The following ADGRL2 variants were observed in gnomAD, a reference collection of about 807,000 sequenced individuals.
The protein encoded by ADGRL2 is adhesion G protein-coupled receptor L2, also known as calcium-independent alpha-latrotoxin receptor 2.
Under a neutral mutation model 157.4 loss-of-function variants are expected in ADGRL2, and 44 were observed. The ratio of observed to expected loss-of-function variants is 0.28; its 90% confidence interval spans 0.22 to 0.36. The LOEUF is 0.36. Among genes scored for constraint, ADGRL2 ranks in the 10% least tolerant of loss-of-function variants. The pLI is 1.00. For missense variants in ADGRL2, 1,510 were observed against 1,768.9 expected (o/e 0.85, Z 2.63); for synonymous variants, 585 against 624.7 (o/e 0.94, Z 0.95).
chr1:81,380,902 A>G (rs1390888227), intron 1 of ADGRL2, among the ~76,000 whole-genome samples: 1 of 152,166 alleles, frequency 6.6e-6, no homozygotes, highest in Admixed American at 6.5e-5. Flanking sequence ...TTTCAATTAC[A>G]TGAAACACAG....
At chr1:81,802,162 C>T (rs923104411) in intron 1 of ADGRL2, among the ~76,000 whole-genome samples, 3 of 151,592 alleles carry the variant, frequency 2.0e-5, no homozygotes, top group African/African-American at 7.3e-5. Context: ...AGCCGCTGCC[C>T]TCCGCGCCTG....
chr1:81,350,756 G>A (rs1280424495), intron 1 of ADGRL2, among the ~76,000 whole-genome samples: 4 of 152,080 alleles, frequency 2.6e-5, no homozygotes, highest in Admixed American at 1.3e-4. Flanking sequence ...TTTACATGTA[G>A]GCATTTGTTT....
chr1:81,723,474 T>C (rs186689975), intron 1 of ADGRL2, among the ~76,000 whole-genome samples: 1 of 152,334 alleles, frequency 6.6e-6, no homozygotes, highest in East Asian at 1.9e-4. Context: ...TACTAATCAT[T>C]TTGGATTTTT....
At chr1:81,691,153 T>C (rs569150744) in intron 3 of ADGRL2, among the ~76,000 whole-genome samples, 1 of 152,344 alleles carries the variant, frequency 6.6e-6, no homozygotes, top group South Asian at 2.1e-4. Flanking sequence ...GGTCACTGTT[T>C]GGCAGGACCA....
At chr1:81,557,521 G>GAAAGAAAGA in intron 2 of ADGRL2, 1 of 151,144 alleles carries the variant, frequency 6.6e-6, no homozygotes, top group Non-Finnish European at 1.5e-5. Context: ...AAGAAAGAAA[G>GAAAGAAAGA]AAAGAGAAGA....
intron 1 of ADGRL2, among the ~76,000 whole-genome samples, chr1:81,440,320 T>C (rs1301721140): frequency 6.6e-6 from 1 of 152,190 alleles, no homozygotes; most frequent in Non-Finnish European, 1.5e-5. Flanking sequence ...CCTGTAGCTA[T>C]CACTACTTCA....
intron 2 of ADGRL2, among the ~76,000 whole-genome samples, chr1:81,770,744 G>T (rs1205418120): frequency 6.6e-6 from 1 of 152,170 alleles, no homozygotes; most frequent in Non-Finnish European, 1.5e-5. Context: ...AAAGTGCTGG[G>T]ATTACAGGCG....
intron 18 of ADGRL2, 58 bp from the exon 19 acceptor site, chr1:81,981,750 C>T (rs535815314): frequency 2.8e-5 from 37 of 1,315,716 alleles, no homozygotes; most frequent in African/African-American, 1.6e-4. Context: ...AACATTTAAG[C>T]GTGATGTGTG....
intron 1 of ADGRL2, among the ~76,000 whole-genome samples, chr1:81,341,714 A>C (rs1441322734): frequency 1.3e-5 from 2 of 151,946 alleles, no homozygotes; most frequent in Admixed American, 1.3e-4. Context: ...CTTTCTATAA[A>C]AACATGTTTG....
chr1:81,411,630 C>G (rs536485027), intron 1 of ADGRL2, among the ~76,000 whole-genome samples: 1 of 152,112 alleles, frequency 6.6e-6, no homozygotes, highest in Non-Finnish European at 1.5e-5. Context: ...CGGTGGCTCA[C>G]GCCTGTAATC....
At position 81,836,914 on chromosome 1, in the gene ADGRL2, T is replaced by C; in HGVS notation, c.-71T>C. ...GAAGATCAATGATGCAGACTGATGGTTTTGATGAAGCTGGGCATTTATAAC... is the reference window on the plus strand; with the variant it reads ...GAAGATCAATGATGCAGACTGATGGCTTTGATGAAGCTGGGCATTTATAAC... On this transcript the variant is annotated 5_prime_UTR_variant, in exon 2 of 24. Coordinates refer to ENST00000686636, the MANE Select transcript of ADGRL2 (RefSeq NM_001366006.2). 1 of 853,754 alleles carries C rather than the reference T, an allele frequency of 1.2e-6. No homozygotes were observed. The highest frequency in any genetic ancestry group is 1.9e-6 in the Non-Finnish European group (1 of 529,936). The allele number at this position is 853,754 out of a possible 1,614,324, so 52.9% of individuals were successfully genotyped here. A position where few individuals can be genotyped will look rare whatever the true frequency, so the allele number is the denominator to read the frequency against.
chr1:81,473,182 A>G (rs1192233944), intron 2 of ADGRL2, among the ~76,000 whole-genome samples: 3 of 152,096 alleles, frequency 2.0e-5, no homozygotes, highest in Non-Finnish European at 2.9e-5. Context: ...ATCGGCAAGA[A>G]AGGTTTGTGA....
chr1:81,677,245 A>G (rs1186551721), intron 3 of ADGRL2, among the ~76,000 whole-genome samples: 2 of 152,080 alleles, frequency 1.3e-5, no homozygotes, highest in Non-Finnish European at 2.9e-5. Context: ...TCGGCCTCCC[A>G]AAGTGCTGGG....
intron 2 of ADGRL2, among the ~76,000 whole-genome samples, chr1:81,449,456 T>C (rs981069077): frequency 6.6e-6 from 1 of 152,218 alleles, no homozygotes; most frequent in Non-Finnish European, 1.5e-5. Context: ...CCAATAGGCA[T>C]CCCACCAAAA....
chr1:81,543,599 G>A (rs1326382392), intron 2 of ADGRL2, among the ~76,000 whole-genome samples: 1 of 152,074 alleles, frequency 6.6e-6, no homozygotes, highest in Non-Finnish European at 1.5e-5. Context: ...TACCCCAACT[G>A]GAATTAACAT....
intron 3 of ADGRL2, among the ~76,000 whole-genome samples, chr1:81,622,884 T>C (rs2081828006): frequency 6.6e-6 from 1 of 152,244 alleles, no homozygotes; most frequent in Non-Finnish European, 1.5e-5. Flanking sequence ...ATTTTACATA[T>C]ATGATTTAAT....
At chr1:81,364,784 A>G (rs1329357794) in intron 1 of ADGRL2, among the ~76,000 whole-genome samples, 1 of 151,158 alleles carries the variant, frequency 6.6e-6, no homozygotes, top group Non-Finnish European at 1.5e-5. Context: ...ACTGCAACCT[A>G]CACCTCCCAG....
At chr1:81,588,660 GGT>G (rs2081073439) in intron 3 of ADGRL2, among the ~76,000 whole-genome samples, 1 of 152,088 alleles carries the variant, frequency 6.6e-6, no homozygotes, top group African/African-American at 2.4e-5. Context: ...GCCCTAATCT[GGT>G]TATGGTTGCT....
intron 2 of ADGRL2, among the ~76,000 whole-genome samples, chr1:81,767,315 C>A (rs1362163693): frequency 6.6e-6 from 1 of 151,850 alleles, no homozygotes; most frequent in African/African-American, 2.4e-5. Flanking sequence ...CTTCTATGAC[C>A]AGTCTTGCAA....
Sources: allele counts gnomAD v4.1 joint callset (sites outside exome capture counted in the v4.1 genomes callset), GRCh38; gene constraint gnomAD v4.1.1; transcripts MANE v1.5; gene names NCBI Gene and HGNC (gene_info 2026-07-23, HGNC 2026-07-21).